The following AK3 variants were observed in gnomAD, a reference collection of about 807,000 sequenced individuals.
The protein encoded by AK3 is adenylate kinase 3, also known as GTP:AMP phosphotransferase AK3, mitochondrial.
Under a neutral mutation model 23.7 loss-of-function variants are expected in AK3, and 27 were observed. The observed-to-expected ratio is 1.14, with a 90% CI of 0.84 to 1.57. The LOEUF (loss-of-function observed/expected upper bound fraction) is 1.57. Among genes scored for constraint, AK3 ranks in the 40% most tolerant of loss-of-function variants. AK3 has a pLI of 0.00. For synonymous variants in AK3, 159 were observed against 116.0 expected (o/e 1.37, Z -2.38); for missense variants, 406 against 285.6 (o/e 1.42, Z -3.04).
intron 1 of AK3, among the ~76,000 whole-genome samples, chr9:4,738,509 C>A (rs574343580): frequency 6.6e-6 from 1 of 151,540 alleles, no homozygotes; most frequent in African/African-American, 2.4e-5. Context: ...TGAACATGCT[C>A]ACTATAAATG....
chr9:4,741,454 C>G (rs569490728), upstream of AK3: 1 of 203,030 alleles, frequency 4.9e-6, no homozygotes, highest in African/African-American at 2.3e-5. Flanking sequence ...CCTTCGGCGC[C>G]CCTCTGCACC....
intron 4 of AK3, among the ~76,000 whole-genome samples, chr9:4,714,414 C>T (rs1321558448): frequency 2.0e-5 from 3 of 152,042 alleles, no homozygotes; most frequent in African/African-American, 7.2e-5. Context: ...TAAATAACAC[C>T]CACTGTTTTC....
intron 1 of AK3, among the ~76,000 whole-genome samples, chr9:4,738,174 T>C (rs1842340374): frequency 1.3e-5 from 2 of 151,522 alleles, no homozygotes; most frequent in Non-Finnish European, 2.9e-5. Context: ...ATTAAACATC[T>C]TTTTTTTTGA....
chr9:4,737,130 C>A (rs1365234877), intron 1 of AK3, among the ~76,000 whole-genome samples: 1 of 150,046 alleles, frequency 6.7e-6, no homozygotes, highest in Non-Finnish European at 1.5e-5. Context: ...TTTTTCTTTA[C>A]TATATAGTTC....
Position 4,722,545 on chromosome 9 carries a change from C to A in AK3, c.232G>T (p.Glu78Ter), listed in dbSNP as rs774828441. The change falls in exon 2 of 5, where the codon GAG (glutamate) becomes TAG (stop). Residue 78 changes from glutamate to a stop codon, truncating the protein, a stop_gained. Transcript: ENST00000381809. LOFTEE classifies it high-confidence loss of function. The stretch of plus-strand genomic sequence containing the variant: ...CTATACTGGGTGAGATTTTTCAGCT[C>A]ATGAAGGGCCAGCCGAGTCATGACA... ...DDVMTRLALHELKNLTQYSWL... is the reference protein window; with the variant it reads ...DDVMTRLALH The A allele has an allele frequency of 5.6e-6, 9 of 1,614,168 alleles. No homozygotes were observed. In the South Asian group the frequency reaches 9.9e-5, roughly 18 times the overall value.
At chr9:4,734,354 C>G (rs891600466) in intron 1 of AK3, among the ~76,000 whole-genome samples, 1 of 145,444 alleles carries the variant, frequency 6.9e-6, no homozygotes, top group Non-Finnish European at 1.5e-5. Flanking sequence ...GTTACGGCAG[C>G]CTGAGCTGAC....
At chr9:4,741,556 G>A (rs1187410373), upstream of AK3, among the ~76,000 whole-genome samples, 2 of 150,468 alleles carry the variant, frequency 1.3e-5, no homozygotes, top group Non-Finnish European at 1.5e-5. Context: ...ATTCCCAGCC[G>A]GATAGACCGC....
intron 2 of AK3, among the ~76,000 whole-genome samples, chr9:4,719,535 T>G (rs1372141506): frequency 6.6e-6 from 1 of 152,182 alleles, no homozygotes; most frequent in Admixed American, 6.5e-5. Context: ...AATATTATGC[T>G]GGGTATATCT....
intron 1 of AK3, among the ~76,000 whole-genome samples, chr9:4,724,206 CT>C (rs141464420): frequency 0.051 from 7,820 of 152,066 alleles, 648 homozygotes; most frequent in African/African-American, 0.18. Flanking sequence ...TGTCTACAGG[CT>C]TTTGACTACT....
rs14887 is a variant in AK3 at position 4,711,539 on chromosome 9, C to G, written c.*1437G>C. ...ATTTTCCCCCCAAAACACATAAGAA[C>G]CACTTACTGGCACTTGTATTTTAAG... On this transcript the variant is annotated 3_prime_UTR_variant, in exon 5 of 5. Transcript: ENST00000381809. 6.6e-6 allele frequency: 1 copy of G among 152,428 alleles called. No homozygotes were observed. The highest frequency in any genetic ancestry group is 1.9e-4 in the East Asian group (1 of 5,202). The allele number at this position is 152,428 out of a possible 1,614,324, so 9.4% of individuals were successfully genotyped here. A position where few individuals can be genotyped will look rare whatever the true frequency, so the allele number is the denominator to read the frequency against.
At chr9:4,740,027 T>C (rs548439115) in intron 1 of AK3, among the ~76,000 whole-genome samples, 1 of 143,236 alleles carries the variant, frequency 7.0e-6, no homozygotes, top group Non-Finnish European at 1.5e-5. Context: ...TTGTTTTTTA[T>C]GCTATGCACG....
chr9:4,740,882 G>C lies in AK3; in HGVS notation c.151+55C>G, dbSNP rs1842413373. The C allele has an allele frequency of 3.5e-6, 5 of 1,426,010 alleles. No individual in the cohort carries two copies. In the South Asian group the frequency reaches 7.5e-5, roughly 21 times the overall value. 88.3% of individuals were successfully genotyped at this position (1,426,010 alleles called of 1,614,324 possible). On this transcript the variant is annotated intron_variant, in intron 1 of 4. Coordinates refer to ENST00000381809, the MANE Select transcript of AK3 (RefSeq NM_016282.4). ...CGTGCCCAGCTTCGGCCCCTCGCCC[G>C]CGAAGTCCGACCCGGGTGACAGCGC...
chr9:4,714,203 T>C lies in AK3; in HGVS notation c.564-1107A>G, dbSNP rs76504340. Among the ~76,000 whole-genome samples the C allele has an allele frequency of 1.4e-4, 12 of 85,116 alleles. 1 individual carries two copies. The highest frequency in any genetic ancestry group is 7.6e-4 in the South Asian group (2 of 2,628). 55.8% of individuals were successfully genotyped at this position (85,116 alleles called of 152,430 possible). ...GCCTCCACATACACACACCTCCACATATACACCTCCACACATTCGCCTCCA... is the reference window on the plus strand; with the variant it reads ...GCCTCCACATACACACACCTCCACACATACACCTCCACACATTCGCCTCCA... On this transcript the variant is annotated intron_variant, in intron 4 of 4. Coordinates refer to ENST00000381809, the MANE Select transcript of AK3 (RefSeq NM_016282.4).
intron 2 of AK3, among the ~76,000 whole-genome samples, chr9:4,720,355 A>T (rs1841862776): frequency 6.6e-6 from 1 of 152,182 alleles, no homozygotes; most frequent in Admixed American, 6.5e-5. Flanking sequence ...ACCAGAAAAA[A>T]ATTAAAATTA....
At chr9:4,715,498 A>G (rs1486455798) in intron 4 of AK3, among the ~76,000 whole-genome samples, 1 of 151,588 alleles carries the variant, frequency 6.6e-6, no homozygotes, top group Non-Finnish European at 1.5e-5. Flanking sequence ...GGGTCCAAGC[A>G]ATCTTCTTAC....
Position 4,740,917 on chromosome 9 carries a change from C to T in AK3, c.151+20G>A. 1.0e-5 allele frequency: 16 copies of T among 1,535,214 alleles called. No homozygotes were observed. The highest frequency in any genetic ancestry group is 1.4e-5 in the Non-Finnish European group (16 of 1,140,900). ...ACCCGGGTGACAGCGCACGGCCGGC[C>T]CTGGGCCCAGAGCTCCCACCTGTGC... On this transcript the variant is annotated intron_variant, in intron 1 of 4. Transcript: ENST00000381809.
chr9:4,721,779 CT>C (rs1213920792), intron 2 of AK3, among the ~76,000 whole-genome samples: 8 of 152,140 alleles, frequency 5.3e-5, no homozygotes, highest in Non-Finnish European at 1.0e-4. Flanking sequence ...TCTAATTTAC[CT>C]CTTAGCACTT....
At chr9:4,715,302 G>A (rs461283) in intron 4 of AK3, among the ~76,000 whole-genome samples, 1 of 149,912 alleles carries the variant, frequency 6.7e-6, no homozygotes, top group Non-Finnish European at 1.5e-5. Context: ...AAGCCAGAAG[G>A]AGCCTAGAAA....
In AK3 at chr9:4,718,346, G is replaced by A. The variant is rs911027971; in HGVS notation, c.563+73C>T. 1.2e-5 allele frequency: 13 copies of A among 1,111,650 alleles called. No homozygotes were observed. In the African/African-American group the frequency reaches 1.9e-4, roughly 16 times the overall value. The allele number at this position is 1,111,650 out of a possible 1,614,324, so 68.9% of individuals were successfully genotyped here. On this transcript the variant is annotated intron_variant, in intron 4 of 4. Transcript: ENST00000381809. ...CTTTTGGCATTTTAGCATTTCAGCT[G>A]TAGAGGAAGGAAAATCAAAACTAGA... is the stretch of plus-strand genomic sequence containing the variant.
Sources: gnomAD v4.1 joint callset for allele counts (sites outside exome capture counted in the v4.1 genomes callset) on GRCh38, gnomAD v4.1.1 for gene constraint, MANE v1.5 for transcripts, NCBI Gene and HGNC (gene_info 2026-07-23, HGNC 2026-07-21) for gene names.